Variants in CDHR3 observed in about 807,000 individuals in gnomAD.
CDHR3 encodes cadherin related family member 3, also known as cadherin-related family member 3.
In CDHR3, 79 loss-of-function variants were observed where a neutral mutation model predicts 86.6. That is an observed-to-expected ratio of 0.91 (90% confidence interval 0.76 to 1.10). The LOEUF (loss-of-function observed/expected upper bound fraction) is 1.10, where lower values mean the gene tolerates loss of function less well. Among genes scored for constraint, CDHR3 ranks in the 50% least tolerant of loss-of-function variants. The pLI is 0.00. For missense variants in CDHR3, 1,081 were observed against 1,077.6 expected (o/e 1.00, Z -0.04); for synonymous variants, 421 against 402.4 (o/e 1.05, Z -0.55).
intron 3 of CDHR3, among the ~76,000 whole-genome samples, chr7:105,982,416 C>G (rs1829888540): frequency 7.0e-6 from 1 of 142,380 alleles, no homozygotes; most frequent in Non-Finnish European, 1.5e-5. Flanking sequence ...TTGCAGTGAG[C>G]TGAGATTGCT....
At position 106,017,918 on chromosome 7, in the gene CDHR3, C is replaced by T. The variant is rs751925681; in HGVS notation, c.1499C>T (p.Ser500Phe). The T allele has an allele frequency of 1.2e-6, 2 of 1,610,802 alleles. No individual in the cohort carries two copies. Among genetic ancestry groups the T allele is most frequent in the South Asian group, 2.2e-5 (2 of 90,206 alleles). Reference protein sequence around the residue: ...LPQSSLLYSISTGGASLQYPN... With the variant: ...LPQSSLLYSIFTGGASLQYPN... ...CAGAGCAGCCTCCTGTACTCCATCT[C>T]CACTGGAGGGGCCAGCCTCCAGTAT... The change falls in exon 12 of 19, where the codon TCC (serine) becomes TTC (phenylalanine). Residue 500 changes from serine to phenylalanine, a missense_variant. Ser to Phe is a radical substitution (Grantham distance 155). Transcript: ENST00000317716.
At position 105,978,535 on chromosome 7, in the gene CDHR3, G is replaced by T. The variant is rs952060351; in HGVS notation, c.250-2433G>T. 2.6e-5 allele frequency among the ~76,000 whole-genome samples: 4 copies of T among 152,008 alleles called. No homozygotes were observed. In the South Asian group the frequency reaches 8.3e-4, roughly 32 times the overall value. ...CAAGGTTGCCCACAACCAAATCGAG[G>T]GTCCACCACTCCCAGCTATGACCTT... On this transcript the variant is annotated intron_variant, in intron 2 of 18. Transcript: ENST00000317716.
rs570357852 is a variant in CDHR3 at position 106,033,183 on chromosome 7, A to G, written c.*486A>G. 6.6e-4 allele frequency: 102 copies of G among 154,838 alleles called. 1 individual carries two copies. Among genetic ancestry groups the G allele is most frequent in the South Asian group, 3.2e-3 (16 of 4,954 alleles). 9.6% of individuals were successfully genotyped at this position (154,838 alleles called of 1,614,324 possible). A position where few individuals can be genotyped will look rare whatever the true frequency, so the allele number is the denominator to read the frequency against. ...GTCACCTCAAATCTTCTTCAAAAGA[A>G]GCAGAACAGTGAAAAAAACAGATGA... is the stretch of plus-strand genomic sequence containing the variant. On this transcript the variant is annotated 3_prime_UTR_variant, in exon 19 of 19. Transcript: ENST00000317716.
rs1838866544 is a variant in CDHR3 at position 106,035,734 on chromosome 7, C to T, written c.*3037C>T. 1 of 152,052 alleles carries T rather than the reference C, an allele frequency of 6.6e-6. No homozygotes were observed. Among genetic ancestry groups the T allele is most frequent in the Non-Finnish European group, 1.5e-5 (1 of 68,018 alleles). The allele number at this position is 152,052 out of a possible 1,614,324, so 9.4% of individuals were successfully genotyped here. A position where few individuals can be genotyped will look rare whatever the true frequency, so the allele number is the denominator to read the frequency against. Reference sequence around the variant, plus strand: ...GTTGCAGGAAGCAACCAATCAGAGACTGAAGTGGAGTTACAAAGGTCACGC... The same window carrying T: ...GTTGCAGGAAGCAACCAATCAGAGATTGAAGTGGAGTTACAAAGGTCACGC... On this transcript the variant is annotated 3_prime_UTR_variant, in exon 19 of 19. Coordinates refer to ENST00000317716, the MANE Select transcript of CDHR3 (RefSeq NM_152750.5).
chr7:105,967,821 A>C (rs1334414177), intron 1 of CDHR3, among the ~76,000 whole-genome samples: 3 of 152,010 alleles, frequency 2.0e-5, no homozygotes, highest in Non-Finnish European at 2.9e-5. Context: ...TTTCTTGTAA[A>C]TTTGTTTTAG....
intron 12 of CDHR3, 130 bp downstream of exon 12, chr7:106,018,202 C>G: frequency 1.5e-6 from 1 of 682,430 alleles, no homozygotes; most frequent in Non-Finnish European, 2.5e-6. Context: ...TGGTGAGAAA[C>G]AAGTAAAGGT....
chr7:105,968,948 C>A (rs1055798956), intron 1 of CDHR3, among the ~76,000 whole-genome samples: 5 of 150,280 alleles, frequency 3.3e-5, no homozygotes, highest in Middle Eastern at 3.6e-3. Flanking sequence ...GTTAGCCAGG[C>A]GTGGTGGCGG....
chr7:105,972,204 A>G (rs528340559), intron 1 of CDHR3, among the ~76,000 whole-genome samples: 2 of 152,284 alleles, frequency 1.3e-5, no homozygotes, highest in East Asian at 1.9e-4. Flanking sequence ...AGCAATACCT[A>G]TGTCGGAGGA....
In CDHR3 at chr7:105,984,273, G is replaced by T. The variant is rs144538079; in HGVS notation, c.497G>T (p.Arg166Leu). Residue 166 changes from arginine (R) to leucine (L), a missense_variant, in exon 4 of 19, where the codon CGA (arginine) becomes CTA (leucine). Coordinates refer to ENST00000317716, the MANE Select transcript of CDHR3 (RefSeq NM_152750.5). The part of the protein sequence containing the change: ...VEAFDPEDTS[R>L]NIPLSYFLIS... ...GCCTTCGATCCAGAAGACACAAGCC[G>T]AAACATTCCCCTCAGTGTAAGTGTC... 6.2e-7 allele frequency: 1 copy of T among 1,609,774 alleles called. No individual in the cohort carries two copies. Among genetic ancestry groups the T allele is most frequent in the South Asian group, 1.1e-5 (1 of 90,246 alleles).
At chr7:105,986,337 A>G (rs889960344) in intron 4 of CDHR3, among the ~76,000 whole-genome samples, 1 of 152,166 alleles carries the variant, frequency 6.6e-6, no homozygotes, top group African/African-American at 2.4e-5. Context: ...AGAACTCTCT[A>G]TGTGCCAGGC....
At chr7:106,004,315 C>G (rs368263095) in intron 7 of CDHR3, among the ~76,000 whole-genome samples, 183 bp from the exon 8 acceptor site, 1 of 152,234 alleles carries the variant, frequency 6.6e-6, no homozygotes, top group Non-Finnish European at 1.5e-5. Flanking sequence ...AGGGTCAGGC[C>G]AGATACCCCA....
rs752949180 is a variant in CDHR3 at position 106,026,671 on chromosome 7, T to TC, written c.2259-5dup. On this transcript the variant is annotated splice_polypyrimidine_tract_variant and intron_variant, in intron 15 of 18. Transcript: ENST00000317716. ...CAAGTGAATTAATAGCCATTCTTTT[T>TC]CCCCCCATAGGACAAAGAAAGGAGG... 10 of 1,613,494 alleles carry TC rather than the reference T, an allele frequency of 6.2e-6. No individual in the cohort carries two copies. The highest frequency in any genetic ancestry group is 8.5e-6 in the Non-Finnish European group (10 of 1,179,592).
At chr7:106,006,311 G>T (rs374068657) in intron 8 of CDHR3, among the ~76,000 whole-genome samples, 38 of 152,178 alleles carry the variant, frequency 2.5e-4, no homozygotes, top group African/African-American at 8.7e-4. Context: ...CAAATCTCAC[G>T]TTCTCACATT....
At chr7:105,977,070 G>T (rs1478825331) in intron 2 of CDHR3, among the ~76,000 whole-genome samples, 2 of 149,594 alleles carry the variant, frequency 1.3e-5, no homozygotes, top group Non-Finnish European at 3.0e-5. Flanking sequence ...TCTCGCCTCA[G>T]CCTCCCCAGT....
At chr7:106,000,691 C>T (rs866464009) in intron 6 of CDHR3, among the ~76,000 whole-genome samples, 3 of 152,108 alleles carry the variant, frequency 2.0e-5, no homozygotes, top group Admixed American at 6.5e-5. Context: ...CCCAACCTAT[C>T]AGTCTCATTA....
At chr7:105,995,521 C>G (rs924987952) in intron 5 of CDHR3, among the ~76,000 whole-genome samples, 6 of 152,124 alleles carry the variant, frequency 3.9e-5, no homozygotes, top group Non-Finnish European at 7.3e-5. Flanking sequence ...TTACAAGTGA[C>G]AGCAAGACAG....
intron 11 of CDHR3, among the ~76,000 whole-genome samples, chr7:106,017,472 T>C (rs1222562336): frequency 1.3e-5 from 2 of 151,198 alleles, no homozygotes; most frequent in Non-Finnish European, 2.9e-5. Context: ...GGCAGGAGAA[T>C]TGCTTGAACC....
chr7:106,004,375 T>C (rs1833641806), intron 7 of CDHR3, 123 bp from the exon 8 acceptor site: 7 of 731,582 alleles, frequency 9.6e-6, no homozygotes, highest in Non-Finnish European at 1.4e-5. Context: ...TGTATTTGTA[T>C]AGAGATTATG....
intron 8 of CDHR3, chr7:106,004,938 T>C: frequency 2.0e-6 from 1 of 505,560 alleles, no homozygotes. Context: ...TATTTTTTAT[T>C]TTGCTCCCTT....
Sources: allele counts gnomAD v4.1 joint callset (sites outside exome capture counted in the v4.1 genomes callset), GRCh38; gene constraint gnomAD v4.1.1; transcripts MANE v1.5; gene names NCBI Gene and HGNC (gene_info 2026-07-23, HGNC 2026-07-21).